NCKAP5: variants seen among roughly 807,000 people sequenced by gnomAD.
The protein encoded by NCKAP5 is nck-associated protein 5.
Under a neutral mutation model 167.0 loss-of-function variants are expected in NCKAP5, and 92 were observed. The observed-to-expected ratio is 0.55, with a 90% CI of 0.47 to 0.66. The LOEUF is 0.66. Ranked by LOEUF, NCKAP5 falls within the 30% of genes least tolerant of loss-of-function variation. NCKAP5 has a pLI of 0.00. For missense variants in NCKAP5, 2,378 were observed against 2,315.0 expected (o/e 1.03, Z -0.56); for synonymous variants, 891 against 877.4 (o/e 1.02, Z -0.27).
chr2:133,159,780 T>C (rs1416882154), intron 5 of NCKAP5, among the ~76,000 whole-genome samples: 4 of 152,138 alleles, frequency 2.6e-5, no homozygotes, highest in Admixed American at 1.3e-4. Flanking sequence ...AACATGACAG[T>C]GACAGGCACA....
intron 3 of NCKAP5, among the ~76,000 whole-genome samples, chr2:133,447,177 C>A (rs986778267): frequency 6.6e-6 from 1 of 152,058 alleles, no homozygotes; most frequent in Non-Finnish European, 1.5e-5. Flanking sequence ...CTGCCCTTCC[C>A]GCAACCAAGC....
At chr2:133,386,145 G>A (rs578163664) in intron 3 of NCKAP5, among the ~76,000 whole-genome samples, 1 of 152,290 alleles carries the variant, frequency 6.6e-6, no homozygotes, top group East Asian at 1.9e-4. Flanking sequence ...ATGTTAGGGT[G>A]ACAATTTTAG....
intron 3 of NCKAP5, among the ~76,000 whole-genome samples, chr2:133,484,536 T>C (rs1255565438): frequency 6.6e-6 from 1 of 152,136 alleles, no homozygotes; most frequent in Non-Finnish European, 1.5e-5. Flanking sequence ...TTAATCCTAA[T>C]ACAAGTTAAA....
chr2:132,732,242 T>C (rs1449628584), intron 16 of NCKAP5, among the ~76,000 whole-genome samples, 191 bp from the exon 17 acceptor site: 4 of 132,804 alleles, frequency 3.0e-5, no homozygotes, highest in Non-Finnish European at 4.6e-5. Context: ...AATTGAACAA[T>C]GAGAACACTT....
Position 132,871,791 on chromosome 2 carries a change from C to T in NCKAP5, c.649-2817G>A, listed in dbSNP as rs551325942. On this transcript the variant is annotated intron_variant, in intron 9 of 19. Transcript: ENST00000409261. The stretch of plus-strand genomic sequence containing the variant: ...TTATATTACCTAGAAGGACTCACTG[C>T]GCTTCTTTGAAAAATATCAGGCAGA... Among the ~76,000 whole-genome samples the T allele has an allele frequency of 1.2e-4, 11 of 89,272 alleles. No homozygotes were observed. In the Admixed American group the frequency reaches 1.5e-3, roughly 12 times the overall value. 58.6% of individuals were successfully genotyped at this position (89,272 alleles called of 152,430 possible). A position where few individuals can be genotyped will look rare whatever the true frequency, so the allele number is the denominator to read the frequency against.
rs946555849 is a variant in NCKAP5 at position 133,388,422 on chromosome 2, C to T, written c.70-85312G>A. 2.6e-5 allele frequency among the ~76,000 whole-genome samples: 4 copies of T among 152,192 alleles called. No homozygotes were observed. The South Asian group carries it at 6.2e-4, about 24-fold the overall frequency. ...GGAGGTTTCGTCTCAGAGGGGTACCCGGCCGTGTGAGGTGTCAGTCTACCC... is the reference window on the plus strand; with the variant it reads ...GGAGGTTTCGTCTCAGAGGGGTACCTGGCCGTGTGAGGTGTCAGTCTACCC... On this transcript the variant is annotated intron_variant, in intron 3 of 19. Transcript: ENST00000409261.
chr2:133,479,481 G>A (rs1373480099), intron 3 of NCKAP5, among the ~76,000 whole-genome samples: 1 of 152,182 alleles, frequency 6.6e-6, no homozygotes, highest in African/African-American at 2.4e-5. Context: ...ACATTTCAAA[G>A]TAGCCAGAAA....
intron 3 of NCKAP5, among the ~76,000 whole-genome samples, chr2:133,488,302 C>G (rs1041116286): frequency 6.6e-6 from 1 of 152,106 alleles, no homozygotes; most frequent in Non-Finnish European, 1.5e-5. Flanking sequence ...AACAAAACAA[C>G]CAAATCAGAA....
At chr2:133,631,974 C>G in the NCKAP5 span, among the ~76,000 whole-genome samples, 1 of 152,230 alleles carries the variant, frequency 6.6e-6, no homozygotes, top group Non-Finnish European at 1.5e-5. Context: ...TTACATTTCT[C>G]TTCGGCCTTG....
Position 132,725,705 on chromosome 2 carries a change from T to C in NCKAP5, c.5635A>G (p.Ser1879Gly). Residue 1879 changes from serine (S) to glycine (G), a missense_variant, in exon 19 of 20, where the codon AGT (serine) becomes GGT (glycine). Physicochemically the swap from Ser to Gly is moderately conservative, Grantham distance 56. Transcript: ENST00000409261. ...CCATTATCTCCATAGTCCAGGTCACTGTCACTATTACTGCCACCGCTGGCA... is the reference window on the plus strand; with the variant it reads ...CCATTATCTCCATAGTCCAGGTCACCGTCACTATTACTGCCACCGCTGGCA... The part of the protein sequence containing the change: ...YSASGGSNSD[S>G]DLDYGDNGFG... The C allele has an allele frequency of 1.2e-6, 2 of 1,613,652 alleles. No homozygotes were observed. The highest frequency in any genetic ancestry group is 1.7e-6 in the Non-Finnish European group (2 of 1,179,780).
At chr2:132,920,535 G>C (rs554968348) in intron 8 of NCKAP5, among the ~76,000 whole-genome samples, 15 of 150,470 alleles carry the variant, frequency 1.0e-4, no homozygotes, top group Admixed American at 2.7e-4. Context: ...AATTAAGAAA[G>C]TTCCTGTAAG....
chr2:133,249,230 T>G (rs2088170879), intron 4 of NCKAP5, among the ~76,000 whole-genome samples: 1 of 152,162 alleles, frequency 6.6e-6, no homozygotes, highest in African/African-American at 2.4e-5. Flanking sequence ...CCTGGATTTT[T>G]TTGGCAGGGC....
At chr2:133,074,774 G>A (rs2080541025) in intron 6 of NCKAP5, among the ~76,000 whole-genome samples, 1 of 151,992 alleles carries the variant, frequency 6.6e-6, no homozygotes, top group Admixed American at 6.6e-5. Context: ...ACTTAAAGAT[G>A]GATGAATAGA....
chr2:133,408,650 C>A (rs1688592124), intron 3 of NCKAP5, among the ~76,000 whole-genome samples: 1 of 152,212 alleles, frequency 6.6e-6, no homozygotes, highest in Non-Finnish European at 1.5e-5. Context: ...CCCTCCTACT[C>A]CTGCTGGTGG....
At chr2:133,208,417 T>A (rs1035264336) in intron 5 of NCKAP5, among the ~76,000 whole-genome samples, 3 of 152,192 alleles carry the variant, frequency 2.0e-5, no homozygotes, top group African/African-American at 7.2e-5. Context: ...ATTTAACTCA[T>A]GGTTTACTTC....
At chr2:133,002,848 A>G (rs548052705) in intron 6 of NCKAP5, among the ~76,000 whole-genome samples, 16 of 152,218 alleles carry the variant, frequency 1.1e-4, no homozygotes, top group Middle Eastern at 3.4e-3. Flanking sequence ...TGGATTTTTT[A>G]CCCTTGTTCA....
intron 6 of NCKAP5, among the ~76,000 whole-genome samples, chr2:133,125,567 C>T (rs1165351655): frequency 6.6e-6 from 1 of 152,152 alleles, no homozygotes; most frequent in Non-Finnish European, 1.5e-5. Context: ...ATGGGTTAAA[C>T]AATCACTTTC....
chr2:133,504,909 T>TC (rs1181512428), intron 3 of NCKAP5, among the ~76,000 whole-genome samples: 1 of 151,884 alleles, frequency 6.6e-6, no homozygotes, highest in Non-Finnish European at 1.5e-5. Context: ...GTTCCCCAGT[T>TC]CCCCCCCAAA....
chr2:133,377,831 G>A (rs545781351), intron 3 of NCKAP5, among the ~76,000 whole-genome samples: 2 of 152,276 alleles, frequency 1.3e-5, no homozygotes, highest in East Asian at 3.9e-4. Flanking sequence ...ACCAGGCTAG[G>A]GATGGAGCCA....
Sources: allele counts gnomAD v4.1 joint callset (sites outside exome capture counted in the v4.1 genomes callset), GRCh38; gene constraint gnomAD v4.1.1; transcripts MANE v1.5; gene names NCBI Gene and HGNC (gene_info 2026-07-23, HGNC 2026-07-21).